WDPCP: variants seen among roughly 807,000 people sequenced by gnomAD.
WDPCP encodes WD repeat containing planar cell polarity effector, also known as WD repeat-containing and planar cell polarity effector protein fritz homolog.
WDPCP carries 71 observed loss-of-function variants against 93.1 expected under a neutral mutation model. The ratio of observed to expected loss-of-function variants is 0.76; its 90% CI spans 0.63 to 0.93. WDPCP has a LOEUF of 0.93. Among genes scored for constraint, WDPCP ranks in the 40% least tolerant of loss-of-function variants. The pLI, the probability that WDPCP is intolerant of heterozygous loss-of-function variation, is 0.00. For synonymous variants in WDPCP, 315 were observed against 315.0 expected (o/e 1.00, Z 0.00); for missense variants, 844 against 887.4 (o/e 0.95, Z 0.62).
intron 12 of WDPCP, among the ~76,000 whole-genome samples, chr2:63,347,277 C>G (rs1308551258): frequency 6.6e-6 from 1 of 152,118 alleles, no homozygotes; most frequent in African/African-American, 2.4e-5. Flanking sequence ...ACACAAGACA[C>G]CTAGTTATAT....
chr2:63,382,221 C>A, intron 10 of WDPCP, 127 bp from the exon 11 acceptor site: 1 of 857,708 alleles, frequency 1.2e-6, no homozygotes, highest in Non-Finnish European at 1.8e-6. Context: ...TGGGACTGAT[C>A]TCCTTCTCAA....
intron 12 of WDPCP, among the ~76,000 whole-genome samples, chr2:63,376,805 C>A (rs960404132): frequency 6.6e-6 from 1 of 151,882 alleles, no homozygotes; most frequent in South Asian, 2.1e-4. Context: ...GATTCAATTA[C>A]ATATCATAAC....
chr2:63,476,237 T>C (rs1010446134), intron 6 of WDPCP, among the ~76,000 whole-genome samples: 2 of 152,124 alleles, frequency 1.3e-5, no homozygotes, highest in African/African-American at 2.4e-5. Flanking sequence ...TACAGGACAA[T>C]GTGTCAGTTC....
intron 2 of WDPCP, among the ~76,000 whole-genome samples, chr2:63,723,993 A>C (rs1669463662): frequency 6.6e-6 from 1 of 152,202 alleles, no homozygotes; most frequent in Non-Finnish European, 1.5e-5. Flanking sequence ...TTTGCTACCT[A>C]AGTTTCAATT....
chr2:63,636,955 A>G (rs977785269), intron 3 of WDPCP, among the ~76,000 whole-genome samples: 2 of 152,250 alleles, frequency 1.3e-5, no homozygotes, highest in African/African-American at 4.8e-5. Flanking sequence ...TAAAACTCGA[A>G]ATTGTAAAAC....
intron 12 of WDPCP, among the ~76,000 whole-genome samples, chr2:63,323,910 G>A (rs767234490): frequency 6.6e-6 from 1 of 152,130 alleles, no homozygotes; most frequent in Non-Finnish European, 1.5e-5. Context: ...TTGCAGGTTT[G>A]TGGGTGGGGG....
At chr2:63,265,288 T>TAACA (rs1682001030) in intron 13 of WDPCP, among the ~76,000 whole-genome samples, 2 of 151,706 alleles carry the variant, frequency 1.3e-5, no homozygotes, top group African/African-American at 4.8e-5. Flanking sequence ...TTTGGTAAAC[T>TAACA]AACAAAGAAA....
chr2:63,389,083 A>T (rs1189389791), intron 10 of WDPCP, among the ~76,000 whole-genome samples: 1 of 152,174 alleles, frequency 6.6e-6, no homozygotes, highest in African/African-American at 2.4e-5. Context: ...GAGCAACCCC[A>T]AGACACATAA....
At chr2:63,654,308 G>A (rs1037356264) in intron 2 of WDPCP, among the ~76,000 whole-genome samples, 4 of 152,094 alleles carry the variant, frequency 2.6e-5, no homozygotes, top group African/African-American at 7.2e-5. Context: ...GTAACATTAT[G>A]GTACAAGCAG....
At chr2:63,578,412 A>T (rs1355487518) in intron 1 of WDPCP, among the ~76,000 whole-genome samples, 1 of 152,186 alleles carries the variant, frequency 6.6e-6, no homozygotes, top group Non-Finnish European at 1.5e-5. Context: ...ATTGCCAATT[A>T]TATCTATAGT....
chr2:63,342,190 T>C (rs1423694441), intron 12 of WDPCP, among the ~76,000 whole-genome samples: 1 of 152,072 alleles, frequency 6.6e-6, no homozygotes. Context: ...GAGACAGAGC[T>C]CAAGTGGTAA....
rs538444802 is a variant in WDPCP, at chr2:63,373,864, G to C, written c.1748+4522C>G. 2.0e-5 allele frequency among the ~76,000 whole-genome samples: 3 copies of C among 151,880 alleles called. No individual in the cohort carries two copies. The East Asian group carries it at 5.8e-4, about 29-fold the overall frequency. ...TCTGTATTTCACTTACTAAAATCTAGAATGAATATCTTTATCTTCCTCTTG... is the reference window on the plus strand; with the variant it reads ...TCTGTATTTCACTTACTAAAATCTACAATGAATATCTTTATCTTCCTCTTG... On this transcript the variant is annotated intron_variant, in intron 12 of 17. Coordinates refer to ENST00000272321, the MANE Select transcript of WDPCP (RefSeq NM_015910.7).
intron 13 of WDPCP, among the ~76,000 whole-genome samples, chr2:63,280,526 G>T (rs771214062): frequency 1.3e-5 from 2 of 152,004 alleles, no homozygotes; most frequent in Admixed American, 6.6e-5. Flanking sequence ...GCCAAAGCAA[G>T]ACAAAGCAAA....
chr2:63,574,520 T>C (rs1707777776), intron 1 of WDPCP, among the ~76,000 whole-genome samples: 1 of 152,204 alleles, frequency 6.6e-6, no homozygotes, highest in African/African-American at 2.4e-5. Flanking sequence ...AAGAACATCA[T>C]TTTATTCATT....
At chr2:63,834,199 T>C in the WDPCP span, among the ~76,000 whole-genome samples, 1 of 152,222 alleles carries the variant, frequency 6.6e-6, no homozygotes, top group African/African-American at 2.4e-5. Context: ...ATCAAACAGC[T>C]GAACGTCTCT....
chr2:63,770,010 T>C (rs191859200), intron 2 of WDPCP, among the ~76,000 whole-genome samples: 89 of 151,876 alleles, frequency 5.9e-4, no homozygotes, highest in African/African-American at 2.0e-3. Context: ...CATGTATGAG[T>C]CTGAACAAAT....
intron 2 of WDPCP, among the ~76,000 whole-genome samples, chr2:63,758,393 G>C (rs1027864676): frequency 3.9e-5 from 6 of 152,096 alleles, no homozygotes; most frequent in African/African-American, 1.2e-4. Flanking sequence ...CTTTTAATTT[G>C]TGGGTTTCAG....
At chr2:63,210,037 T>C (rs1019301168) in intron 14 of WDPCP, among the ~76,000 whole-genome samples, 2 of 152,140 alleles carry the variant, frequency 1.3e-5, no homozygotes, top group African/African-American at 2.4e-5. Flanking sequence ...TTGAGTTTTA[T>C]GTAATGTGAA....
At chr2:63,513,784 T>C (rs1268442933) in intron 1 of WDPCP, among the ~76,000 whole-genome samples, 1 of 152,210 alleles carries the variant, frequency 6.6e-6, no homozygotes, top group African/African-American at 2.4e-5. Context: ...TTCCCCACTA[T>C]GTCCAGTCAC....
Sources: gnomAD v4.1 joint callset for allele counts (sites outside exome capture counted in the v4.1 genomes callset) on GRCh38, gnomAD v4.1.1 for gene constraint, MANE v1.5 for transcripts, NCBI Gene and HGNC (gene_info 2026-07-23, HGNC 2026-07-21) for gene names.